CDH11: variants seen among roughly 807,000 people sequenced by gnomAD.
CDH11 encodes cadherin 11.
In CDH11, 11 loss-of-function variants were observed where a neutral mutation model predicts 67.8. That is an observed-to-expected ratio of 0.16 (90% CI 0.10 to 0.27). The LOEUF (loss-of-function observed/expected upper bound fraction) is 0.27, where lower values mean the gene tolerates loss of function less well. Ranked by LOEUF, CDH11 falls within the 10% of genes least tolerant of loss-of-function variation. The pLI is 1.00. For missense variants in CDH11, 847 were observed against 1,031.2 expected (o/e 0.82, Z 2.45); for synonymous variants, 419 against 400.0 (o/e 1.05, Z -0.57).
Position 64,945,744 on chromosome 16 carries a change from T to A in CDH11, c.*1859A>T. The A allele has an allele frequency of 9.6e-7, 1 of 1,042,764 alleles. No homozygotes were observed. Among genetic ancestry groups the A allele is most frequent in the South Asian group, 4.6e-5 (1 of 21,800 alleles). The allele number at this position is 1,042,764 out of a possible 1,614,324, so 64.6% of individuals were successfully genotyped here. ...GCAAAGTAAAATGGAAGTGAGCACT[T>A]CATAAAAAACATTTCTTTGTATGCA... On this transcript the variant is annotated 3_prime_UTR_variant, in exon 13 of 13. Coordinates refer to ENST00000268603, the MANE Select transcript of CDH11 (RefSeq NM_001797.4).
intron 1 of CDH11, among the ~76,000 whole-genome samples, chr16:65,115,859 G>T (rs1242524197): frequency 6.6e-6 from 1 of 152,112 alleles, no homozygotes; most frequent in Non-Finnish European, 1.5e-5. Flanking sequence ...AAGATTGCTT[G>T]AGGCCAGGAG....
At chr16:65,119,810 A>G (rs1052631773) in intron 1 of CDH11, among the ~76,000 whole-genome samples, 3 of 152,362 alleles carry the variant, frequency 2.0e-5, no homozygotes, top group African/African-American at 7.2e-5. Context: ...CAATGTTTCA[A>G]AAGTAAGATG....
At position 64,964,941 on chromosome 16, in the gene CDH11, C is replaced by A. The variant is rs1018479385; in HGVS notation, c.1642+6638G>T. 3.2e-4 allele frequency among the ~76,000 whole-genome samples: 49 copies of A among 152,182 alleles called. 1 individual carries two copies. The highest frequency in any genetic ancestry group is 8.5e-4 in the Admixed American group (13 of 15,294). On this transcript the variant is annotated intron_variant, in intron 11 of 12. Transcript: ENST00000268603. ...CTTTAAGTTCTAGGGTACATGTGCA[C>A]AACGTGCAGGTTTGTTACATATGTA... is the stretch of plus-strand genomic sequence containing the variant.
rs938376147 is a variant in CDH11 at position 64,945,363 on chromosome 16, C to G, written c.*2240G>C. Reference sequence around the variant, plus strand: ...TTCTTAACTACTGAAAAGTAAACAGCCTTTTTAAAAAAGACTTCAACATAA... The same window carrying G: ...TTCTTAACTACTGAAAAGTAAACAGGCTTTTTAAAAAAGACTTCAACATAA... On this transcript the variant is annotated 3_prime_UTR_variant, in exon 13 of 13. Coordinates refer to ENST00000268603, the MANE Select transcript of CDH11 (RefSeq NM_001797.4). The G allele has an allele frequency of 1.0e-6, 1 of 998,404 alleles. No homozygotes were observed. Among genetic ancestry groups the G allele is most frequent in the Non-Finnish European group, 1.2e-6 (1 of 828,312 alleles). The allele number at this position is 998,404 out of a possible 1,614,324, so 61.8% of individuals were successfully genotyped here. A position where few individuals can be genotyped will look rare whatever the true frequency, so the allele number is the denominator to read the frequency against.
In CDH11 at chr16:64,946,645, T is replaced by C; in HGVS notation, c.*958A>G. 3 of 1,007,824 alleles carry C rather than the reference T, an allele frequency of 3.0e-6. No homozygotes were observed. The highest frequency in any genetic ancestry group is 3.6e-6 in the Non-Finnish European group (3 of 837,028). 62.4% of individuals were successfully genotyped at this position (1,007,824 alleles called of 1,614,324 possible). A position where few individuals can be genotyped will look rare whatever the true frequency, so the allele number is the denominator to read the frequency against. On this transcript the variant is annotated 3_prime_UTR_variant, in exon 13 of 13. Coordinates refer to ENST00000268603, the MANE Select transcript of CDH11 (RefSeq NM_001797.4). Reference sequence around the variant, plus strand: ...TTTGTAAAACATATTTGATTTTAAATAAACAATAAAAGCAGCAGACAGACA... The same window carrying C: ...TTTGTAAAACATATTTGATTTTAAACAAACAATAAAAGCAGCAGACAGACA...
intron 2 of CDH11, among the ~76,000 whole-genome samples, chr16:65,026,367 C>CA (rs1567535371): frequency 6.6e-6 from 1 of 152,202 alleles, no homozygotes; most frequent in South Asian, 2.1e-4. Context: ...AGCTAATGCC[C>CA]AAAATGGAAT....
intron 1 of CDH11, among the ~76,000 whole-genome samples, chr16:65,081,576 A>T (rs2074611644): frequency 6.6e-6 from 1 of 151,892 alleles, no homozygotes; most frequent in Non-Finnish European, 1.5e-5. Context: ...CTCAAAAAAA[A>T]AAAAAAAAAG....
intron 1 of CDH11, among the ~76,000 whole-genome samples, chr16:65,061,858 T>C (rs1158411220): frequency 1.3e-5 from 2 of 152,202 alleles, no homozygotes; most frequent in African/African-American, 4.8e-5. Context: ...TAAGTACCTT[T>C]CTACAACACA....
chr16:65,115,390 T>C (rs1340754007), intron 1 of CDH11, among the ~76,000 whole-genome samples: 1 of 152,082 alleles, frequency 6.6e-6, no homozygotes, highest in Non-Finnish European at 1.5e-5. Flanking sequence ...AAACAAATGT[T>C]CAATGCAAGA....
chr16:64,965,630 G>A (rs147300401), intron 11 of CDH11, among the ~76,000 whole-genome samples: 1,610 of 152,158 alleles, frequency 0.011, 17 homozygotes, highest in Non-Finnish European at 0.015. Flanking sequence ...AATAGAATGA[G>A]TACACTCTAA....
intron 11 of CDH11, among the ~76,000 whole-genome samples, chr16:64,955,308 G>A (rs931447564): frequency 1.6e-4 from 25 of 152,108 alleles, no homozygotes; most frequent in Non-Finnish European, 2.8e-4. Flanking sequence ...TGGGTGTGGT[G>A]GCGCATGCCT....
At chr16:64,992,555 G>A (rs888396004) in intron 5 of CDH11, among the ~76,000 whole-genome samples, 10 of 152,200 alleles carry the variant, frequency 6.6e-5, no homozygotes, top group Non-Finnish European at 1.5e-4. Context: ...AAATCTTTAG[G>A]AGACCTTTGG....
intron 11 of CDH11, among the ~76,000 whole-genome samples, chr16:64,960,743 A>G (rs1039334036): frequency 2.0e-5 from 3 of 152,180 alleles, no homozygotes; most frequent in African/African-American, 7.2e-5. Flanking sequence ...GGTAAAGTGT[A>G]CAAGGAGTAA....
At chr16:64,979,645 T>C (rs1051348320) in intron 8 of CDH11, among the ~76,000 whole-genome samples, 3 of 152,200 alleles carry the variant, frequency 2.0e-5, no homozygotes, top group Non-Finnish European at 4.4e-5. Context: ...GTACAGCCAC[T>C]GTGGAAAACA....
chr16:65,029,576 G>T lies in CDH11; in HGVS notation c.-173+24228C>A, dbSNP rs78833590. ...AAGCATGATGAGGAGGAGAAATTCA[G>T]ATTACAGAAGAATGGTGGCAATTCT... On this transcript the variant is annotated intron_variant, in intron 2 of 12. Transcript: ENST00000268603. 2.4e-3 allele frequency among the ~76,000 whole-genome samples: 358 copies of T among 152,300 alleles called. 1 individual carries two copies. The highest frequency in any genetic ancestry group is 8.3e-3 in the African/African-American group (343 of 41,566).
chr16:65,105,372 G>A (rs992443342), intron 1 of CDH11, among the ~76,000 whole-genome samples: 9 of 152,212 alleles, frequency 5.9e-5, no homozygotes, highest in African/African-American at 1.7e-4. Context: ...GTTTCCCAGG[G>A]GGAGCACTTG....
chr16:64,987,887 G>C (rs2072526203), intron 7 of CDH11: 1 of 322,704 alleles, frequency 3.1e-6, no homozygotes, highest in Non-Finnish European at 5.6e-6. Context: ...CCCTCCATGG[G>C]AGAACTGTGC....
In CDH11 at chr16:65,096,443, GTA is replaced by G. The variant is rs60633017; in HGVS notation, c.-298+25435_-298+25436del. On this transcript the variant is annotated intron_variant, in intron 1 of 12. Transcript: ENST00000268603. ...TGTGTGTGTGTGTGTGTGTGTGTGTGTATATATATGTTTATATATGTGTGTAT... is the reference window on the plus strand; with the variant it reads ...TGTGTGTGTGTGTGTGTGTGTGTGTGTATATATGTTTATATATGTGTGTAT... Among the ~76,000 whole-genome samples, 576 of 138,442 alleles carry G rather than the reference GTA, an allele frequency of 4.2e-3. 2 individuals are homozygous for G. Among genetic ancestry groups the G allele is most frequent in the Non-Finnish European group, 6.1e-3 (399 of 65,556 alleles). The allele number at this position is 138,442 out of a possible 152,430, so 90.8% of individuals were successfully genotyped here.
intron 8 of CDH11, among the ~76,000 whole-genome samples, chr16:64,973,717 G>A (rs1457966617): frequency 1.3e-5 from 2 of 152,024 alleles, no homozygotes; most frequent in African/African-American, 4.8e-5. Context: ...TGAGGCATGA[G>A]AATCATTGAA....
Sources: gnomAD v4.1 joint callset for allele counts (sites outside exome capture counted in the v4.1 genomes callset) on GRCh38, gnomAD v4.1.1 for gene constraint, MANE v1.5 for transcripts, NCBI Gene and HGNC (gene_info 2026-07-23, HGNC 2026-07-21) for gene names.